Variants in SYNPR observed in about 807,000 individuals in gnomAD.
The protein encoded by SYNPR is synaptoporin.
SYNPR carries 23 observed loss-of-function variants against 32.9 expected under a neutral mutation model. That is an observed-to-expected ratio of 0.70 (90% CI 0.50 to 0.99). The LOEUF (loss-of-function observed/expected upper bound fraction) is 0.99, where lower values mean the gene tolerates loss of function less well. Among genes scored for constraint, SYNPR ranks in the 50% least tolerant of loss-of-function variants. SYNPR has a pLI of 0.00. For missense variants in SYNPR, 318 were observed against 349.3 expected, an observed-to-expected ratio of 0.91 and a Z score of 0.71; for synonymous variants, 146 against 135.9, an observed-to-expected ratio of 1.07 and a Z score of -0.52.
At chr3:63,278,797 G>A (rs2086601153) in intron 2 of SYNPR, 55 bp downstream of exon 2, 3 of 1,534,270 alleles carry the variant, frequency 2.0e-6, no homozygotes, top group African/African-American at 2.7e-5. Flanking sequence ...TATCAGGTGA[G>A]GAGAGGTCGG....
At chr3:63,403,525 G>A (rs544792603) in intron 2 of SYNPR, among the ~76,000 whole-genome samples, 6 of 151,968 alleles carry the variant, frequency 3.9e-5, no homozygotes, top group African/African-American at 1.2e-4. Context: ...ACCCCACAAA[G>A]TGGGTACATT....
At chr3:63,370,364 A>T (rs565197765) in intron 2 of SYNPR, among the ~76,000 whole-genome samples, 8 of 152,344 alleles carry the variant, frequency 5.3e-5, no homozygotes, top group African/African-American at 1.9e-4. Context: ...CTCTGCTCCC[A>T]TCTGGGATTT....
chr3:63,540,311 A>C (rs1375492570), intron 3 of SYNPR, among the ~76,000 whole-genome samples: 1 of 152,178 alleles, frequency 6.6e-6, no homozygotes, highest in African/African-American at 2.4e-5. Context: ...AAATTAAGAA[A>C]TTAGCTCATG....
chr3:63,362,369 T>C (rs1250655087), intron 2 of SYNPR, among the ~76,000 whole-genome samples: 1 of 152,116 alleles, frequency 6.6e-6, no homozygotes, highest in Non-Finnish European at 1.5e-5. Context: ...AAACAGGAAG[T>C]TTTAACTGTC....
At chr3:63,516,662 A>G (rs1450589748) in intron 3 of SYNPR, among the ~76,000 whole-genome samples, 1 of 152,124 alleles carries the variant, frequency 6.6e-6, no homozygotes, top group Non-Finnish European at 1.5e-5. Flanking sequence ...AGACTTCTCT[A>G]TTTGACACCA....
chr3:63,201,691 T>C, the SYNPR span, among the ~76,000 whole-genome samples: 1 of 149,018 alleles, frequency 6.7e-6, no homozygotes, highest in African/African-American at 2.4e-5. Context: ...AATCTTACTG[T>C]TTAAAACATT....
At chr3:63,477,558 C>T (rs1176096570) in intron 2 of SYNPR, among the ~76,000 whole-genome samples, 1 of 152,146 alleles carries the variant, frequency 6.6e-6, no homozygotes, top group African/African-American at 2.4e-5. Flanking sequence ...GCAGCTCTCT[C>T]ATCAGCAGCT....
chr3:63,387,879 G>C (rs1485768757), intron 2 of SYNPR, among the ~76,000 whole-genome samples: 1 of 152,184 alleles, frequency 6.6e-6, no homozygotes, highest in Non-Finnish European at 1.5e-5. Flanking sequence ...GGTTGCCTAG[G>C]AAGCCAACCC....
chr3:63,279,464 AC>A (rs374032760), intron 2 of SYNPR, among the ~76,000 whole-genome samples: 2 of 152,188 alleles, frequency 1.3e-5, no homozygotes, highest in African/African-American at 4.8e-5. Flanking sequence ...CCGTGAAACC[AC>A]CCTGACGCTC....
At chr3:63,287,180 C>A (rs977383404) in intron 2 of SYNPR, among the ~76,000 whole-genome samples, 27 of 152,154 alleles carry the variant, frequency 1.8e-4, no homozygotes, top group African/African-American at 6.3e-4. Flanking sequence ...TGTGGTCCAT[C>A]CTCACCCTTT....
intron 2 of SYNPR, among the ~76,000 whole-genome samples, chr3:63,411,143 C>A (rs1295327483): frequency 1.3e-5 from 2 of 152,072 alleles, no homozygotes; most frequent in Non-Finnish European, 2.9e-5. Context: ...AGAAAAGTTT[C>A]AAGCCAGATC....
At chr3:63,599,470 G>T (rs1227375275) in intron 4 of SYNPR, among the ~76,000 whole-genome samples, 1 of 151,962 alleles carries the variant, frequency 6.6e-6, no homozygotes, top group Non-Finnish European at 1.5e-5. Flanking sequence ...TGTTACAATT[G>T]CCTGCAGTAA....
intron 1 of SYNPR, among the ~76,000 whole-genome samples, chr3:63,250,378 G>T (rs1027927845): frequency 3.3e-5 from 5 of 151,996 alleles, no homozygotes; most frequent in Non-Finnish European, 7.4e-5. Flanking sequence ...AGATCTCCAC[G>T]CCTGGGGCAA....
intron 2 of SYNPR, chr3:63,445,458 T>G (rs1379054836): frequency 2.0e-5 from 13 of 658,340 alleles, no homozygotes; most frequent in Admixed American, 4.6e-5. Flanking sequence ...CATAATCTCT[T>G]CCAAGCATTA....
chr3:63,419,479 C>T (rs970941825), intron 2 of SYNPR, among the ~76,000 whole-genome samples: 9 of 152,194 alleles, frequency 5.9e-5, no homozygotes, highest in African/African-American at 1.9e-4. Flanking sequence ...TGAACTCAGA[C>T]AGCCCTCATG....
At chr3:63,501,992 C>T in intron 3 of SYNPR, among the ~76,000 whole-genome samples, 1 of 152,106 alleles carries the variant, frequency 6.6e-6, no homozygotes, top group South Asian at 2.1e-4. Context: ...ATTTCAAAGA[C>T]TTAGTATGAA....
At chr3:63,460,940 A>T (rs1443690014) in intron 2 of SYNPR, among the ~76,000 whole-genome samples, 2 of 152,120 alleles carry the variant, frequency 1.3e-5, no homozygotes, top group African/African-American at 4.8e-5. Context: ...AAATACAGAG[A>T]TGTACACAGA....
chr3:63,472,195 G>T lies in SYNPR; in HGVS notation c.85-8637G>T, dbSNP rs1230441139. 3.3e-5 allele frequency among the ~76,000 whole-genome samples: 5 copies of T among 152,152 alleles called. No individual in the cohort carries two copies. In the East Asian group the frequency reaches 9.7e-4, roughly 29 times the overall value. ...TAGAAAGCCCATCTTCAATATTTCT[G>T]TATGAGTCTTTCCACAGTGTGCTCC... On this transcript the variant is annotated intron_variant, in intron 2 of 5. Coordinates refer to ENST00000478300, the MANE Select transcript of SYNPR (RefSeq NM_001130003.2).
At chr3:63,496,981 TA>T (rs966930615) in intron 3 of SYNPR, among the ~76,000 whole-genome samples, 35 of 152,264 alleles carry the variant, frequency 2.3e-4, no homozygotes, top group Non-Finnish European at 3.5e-4. Flanking sequence ...AATAGCTTGA[TA>T]TTGATCAAGT....
Sources: allele counts gnomAD v4.1 joint callset (sites outside exome capture counted in the v4.1 genomes callset), GRCh38; gene constraint gnomAD v4.1.1; transcripts MANE v1.5; gene names NCBI Gene and HGNC (gene_info 2026-07-23, HGNC 2026-07-21).